Variants in EYS observed in about 807,000 individuals in gnomAD.
The protein encoded by EYS is EGF-like photoreceptor maintenance factor.
EYS carries 250 observed loss-of-function variants against 282.1 expected under a neutral mutation model. That is an observed-to-expected ratio of 0.89 (90% CI 0.80 to 0.98). EYS has a LOEUF of 0.98. EYS is among the 50% of genes least tolerant of loss of function. EYS has a pLI of 0.00. For synonymous variants in EYS, 1,355 were observed against 1,282.9 expected, an observed-to-expected ratio of 1.06 and a Z score of -1.20; for missense variants, 4,016 against 3,709.0, an observed-to-expected ratio of 1.08 and a Z score of -2.15.
At chr6:65,229,930 C>G (rs1451314397) in intron 12 of EYS, among the ~76,000 whole-genome samples, 1 of 151,832 alleles carries the variant, frequency 6.6e-6, no homozygotes, top group African/African-American at 2.4e-5. Flanking sequence ...TGCCAGAGAT[C>G]TATGACACAT....
At chr6:65,191,026 T>C (rs1031637028) in intron 12 of EYS, among the ~76,000 whole-genome samples, 1 of 151,964 alleles carries the variant, frequency 6.6e-6, no homozygotes, top group East Asian at 1.9e-4. Context: ...GCTAAATCTA[T>C]TCCCGCCTTA....
intron 26 of EYS, among the ~76,000 whole-genome samples, chr6:64,448,973 C>G (rs1368253790): frequency 1.3e-5 from 2 of 152,174 alleles, no homozygotes; most frequent in African/African-American, 4.8e-5. Flanking sequence ...AGGAACGCAG[C>G]TCCTCACCAG....
intron 36 of EYS, among the ~76,000 whole-genome samples, chr6:63,812,636 G>A (rs954713187): frequency 1.3e-5 from 2 of 152,016 alleles, no homozygotes; most frequent in African/African-American, 4.8e-5. Flanking sequence ...ACATGTAAAA[G>A]GTTAAAGTAG....
intron 12 of EYS, among the ~76,000 whole-genome samples, chr6:65,192,214 C>T (rs1765657927): frequency 6.6e-6 from 1 of 151,162 alleles, no homozygotes; most frequent in African/African-American, 2.4e-5. Context: ...CAAAAACACT[C>T]AATTAGAAAA....
At chr6:63,887,833 C>T (rs779010197) in intron 35 of EYS, among the ~76,000 whole-genome samples, 4 of 152,170 alleles carry the variant, frequency 2.6e-5, no homozygotes, top group Non-Finnish European at 5.9e-5. Flanking sequence ...GGAAAGGGGG[C>T]TGAAGCCAGG....
chr6:64,945,201 C>T (rs1769244788), intron 15 of EYS, among the ~76,000 whole-genome samples: 1 of 148,854 alleles, frequency 6.7e-6, no homozygotes, highest in Admixed American at 6.7e-5. Context: ...TATGCTGAAT[C>T]TATAAGGAAC....
intron 9 of EYS, among the ~76,000 whole-genome samples, chr6:65,351,142 A>G (rs1764257660): frequency 6.6e-6 from 1 of 151,740 alleles, no homozygotes; most frequent in South Asian, 2.1e-4. Flanking sequence ...GAGAAGTTTC[A>G]CTGCTGAATC....
intron 12 of EYS, among the ~76,000 whole-genome samples, chr6:65,266,572 G>A (rs1767758392): frequency 1.3e-5 from 2 of 151,854 alleles, no homozygotes; most frequent in African/African-American, 4.8e-5. Flanking sequence ...TGATCGTGGT[G>A]CATAAGCCTT....
chr6:64,664,758 A>C (rs993301103), intron 22 of EYS, among the ~76,000 whole-genome samples: 2 of 152,238 alleles, frequency 1.3e-5, no homozygotes, highest in Admixed American at 1.3e-4. Flanking sequence ...ACAGCTGACT[A>C]TCTATGAACT....
intron 22 of EYS, among the ~76,000 whole-genome samples, chr6:64,747,366 A>G (rs1772592257): frequency 6.6e-6 from 1 of 151,974 alleles, no homozygotes; most frequent in Non-Finnish European, 1.5e-5. Flanking sequence ...CTGTAATCCC[A>G]GAATCTTTTT....
intron 2 of EYS, among the ~76,000 whole-genome samples, chr6:65,614,014 G>A (rs984310781): frequency 6.6e-6 from 1 of 151,900 alleles, no homozygotes; most frequent in Admixed American, 6.6e-5. Context: ...CAGGCAACAT[G>A]GTGTCCATGA....
chr6:65,285,282 A>AT (rs1171529685), intron 12 of EYS, among the ~76,000 whole-genome samples: 1 of 151,890 alleles, frequency 6.6e-6, no homozygotes, highest in Non-Finnish European at 1.5e-5. Flanking sequence ...AATAATTTGC[A>AT]TTTTTTTCTA....
At chr6:64,969,083 C>T (rs1472927607) in intron 14 of EYS, among the ~76,000 whole-genome samples, 1 of 151,638 alleles carries the variant, frequency 6.6e-6, no homozygotes, top group Non-Finnish European at 1.5e-5. Flanking sequence ...CAATCAACTC[C>T]TTGCGTGAAA....
At chr6:65,321,673 T>C (rs1769479445) in intron 11 of EYS, among the ~76,000 whole-genome samples, 1 of 152,212 alleles carries the variant, frequency 6.6e-6, no homozygotes, top group African/African-American at 2.4e-5. Flanking sequence ...TATGGTATCA[T>C]GCCCAGTCTA....
At chr6:65,084,939 T>G (rs2150173663) in intron 12 of EYS, among the ~76,000 whole-genome samples, 1 of 152,242 alleles carries the variant, frequency 6.6e-6, no homozygotes, top group Non-Finnish European at 1.5e-5. Flanking sequence ...TCCTGCTGTC[T>G]AAATCTCAGG....
intron 29 of EYS, among the ~76,000 whole-genome samples, chr6:64,329,881 C>T (rs1405579071): frequency 1.3e-5 from 2 of 152,096 alleles, no homozygotes; most frequent in Non-Finnish European, 2.9e-5. Context: ...GCTGATGGTG[C>T]TTGGTTTACA....
At chr6:65,241,219 G>A (rs568760235) in intron 12 of EYS, among the ~76,000 whole-genome samples, 4 of 151,942 alleles carry the variant, frequency 2.6e-5, no homozygotes, top group Non-Finnish European at 4.4e-5. Context: ...GTAAAATCAC[G>A]AAATAGATAT....
chr6:65,363,659 G>T (rs1042891568), intron 8 of EYS, among the ~76,000 whole-genome samples: 7 of 151,524 alleles, frequency 4.6e-5, no homozygotes, highest in African/African-American at 9.7e-5. Context: ...GATAATTGAC[G>T]ATTTAACTCT....
chr6:65,237,568 C>CTCAATCAA (rs3036036), intron 12 of EYS, among the ~76,000 whole-genome samples: 4 of 152,102 alleles, frequency 2.6e-5, no homozygotes, highest in African/African-American at 9.6e-5. Context: ...AAGACCCTGT[C>CTCAATCAA]TCAATCAATC....
Sources: gnomAD v4.1 joint callset for allele counts (sites outside exome capture counted in the v4.1 genomes callset) on GRCh38, gnomAD v4.1.1 for gene constraint, MANE v1.5 for transcripts, NCBI Gene and HGNC (gene_info 2026-07-23, HGNC 2026-07-21) for gene names.